The following DLG2 variants were observed in gnomAD, a reference collection of about 807,000 sequenced individuals.
DLG2 encodes the protein discs large MAGUK scaffold protein 2.
Under a neutral mutation model 132.5 loss-of-function variants are expected in DLG2, and 45 were observed. The observed-to-expected ratio is 0.34, with a 90% confidence interval of 0.27 to 0.44. DLG2 has a LOEUF of 0.44. DLG2 is among the 20% of genes least tolerant of loss of function. The probability of loss-of-function intolerance (pLI) is 1.00; values close to 1 mark genes in which losing one functional copy is unlikely to be tolerated. For synonymous variants in DLG2, 424 were observed against 419.6 expected, an observed-to-expected ratio of 1.01 and a Z score of -0.13; for missense variants, 1,045 against 1,196.9, an observed-to-expected ratio of 0.87 and a Z score of 1.87.
At chr11:85,034,328 G>A (rs1035664204) in intron 6 of DLG2, among the ~76,000 whole-genome samples, 6 of 151,976 alleles carry the variant, frequency 3.9e-5, no homozygotes, top group African/African-American at 9.7e-5. Flanking sequence ...CGCCTGCCTC[G>A]GCCTCCAAAG....
intron 6 of DLG2, among the ~76,000 whole-genome samples, chr11:84,616,953 T>C (rs1014985481): frequency 6.6e-6 from 1 of 151,770 alleles, no homozygotes; most frequent in African/African-American, 2.4e-5. Context: ...TCAGATATCA[T>C]CATCCAGTTC....
At chr11:84,490,224 G>C (rs372241774) in intron 7 of DLG2, among the ~76,000 whole-genome samples, 2 of 152,040 alleles carry the variant, frequency 1.3e-5, no homozygotes, top group Admixed American at 6.6e-5. Context: ...ACTGTTGTGA[G>C]GATTAAGTAA....
intron 21 of DLG2, among the ~76,000 whole-genome samples, chr11:83,495,881 T>A (rs906150783): frequency 6.6e-6 from 1 of 152,136 alleles, no homozygotes; most frequent in Non-Finnish European, 1.5e-5. Context: ...GTACAATTTC[T>A]AGAAGAAAAC....
intron 5 of DLG2, among the ~76,000 whole-genome samples, chr11:85,148,406 C>A (rs570684958): frequency 1.3e-5 from 2 of 152,166 alleles, no homozygotes; most frequent in Admixed American, 6.6e-5. Context: ...CACAGCCTCA[C>A]CAGCATCTAT....
intron 6 of DLG2, among the ~76,000 whole-genome samples, chr11:84,689,920 C>T (rs2057822008): frequency 1.3e-5 from 2 of 151,726 alleles, no homozygotes; most frequent in Non-Finnish European, 2.9e-5. Context: ...AATTAATAGT[C>T]AAAAAATATT....
chr11:85,188,549 A>G (rs1038206842), intron 4 of DLG2, among the ~76,000 whole-genome samples: 1 of 152,190 alleles, frequency 6.6e-6, no homozygotes, highest in Non-Finnish European at 1.5e-5. Flanking sequence ...AATAGACCTA[A>G]CAATGACTTT....
intron 20 of DLG2, among the ~76,000 whole-genome samples, chr11:83,535,148 A>G (rs1303852424): frequency 6.6e-6 from 1 of 152,226 alleles, no homozygotes; most frequent in Non-Finnish European, 1.5e-5. Context: ...ATTTTAATCC[A>G]AGGGCAAATG....
intron 10 of DLG2, among the ~76,000 whole-genome samples, chr11:84,075,339 T>C (rs2096814623): frequency 6.6e-6 from 1 of 152,170 alleles, no homozygotes; most frequent in African/African-American, 2.4e-5. Context: ...CCACCTTTCT[T>C]AGAGTAGGAG....
At chr11:83,528,168 T>C (rs2095653831) in intron 21 of DLG2, among the ~76,000 whole-genome samples, 1 of 152,194 alleles carries the variant, frequency 6.6e-6, no homozygotes, top group African/African-American at 2.4e-5. Context: ...TCTAGGCTAC[T>C]GACACAATAG....
At chr11:84,868,627 T>C (rs2084994183) in intron 6 of DLG2, among the ~76,000 whole-genome samples, 2 of 151,456 alleles carry the variant, frequency 1.3e-5, no homozygotes, top group Admixed American at 1.3e-4. Flanking sequence ...GTAGATGTTG[T>C]AAACATCTGA....
intron 16 of DLG2, among the ~76,000 whole-genome samples, chr11:83,846,786 T>A (rs1248467098): frequency 1.3e-5 from 2 of 152,094 alleles, no homozygotes; most frequent in East Asian, 3.8e-4. Flanking sequence ...TACTTTCTTA[T>A]CCACATATCA....
At chr11:84,390,658 T>C (rs1272717446) in intron 7 of DLG2, among the ~76,000 whole-genome samples, 1 of 152,164 alleles carries the variant, frequency 6.6e-6, no homozygotes. Context: ...TAGAGTCTGG[T>C]GATCACCTGG....
chr11:85,507,670 T>G (rs920780660), intron 3 of DLG2, among the ~76,000 whole-genome samples: 1 of 152,214 alleles, frequency 6.6e-6, no homozygotes, highest in Non-Finnish European at 1.5e-5. Flanking sequence ...TTGGTGAATC[T>G]GACAATTATG....
At chr11:84,243,550 T>C (rs1567044420) in intron 8 of DLG2, among the ~76,000 whole-genome samples, 1 of 152,226 alleles carries the variant, frequency 6.6e-6, no homozygotes, top group Non-Finnish European at 1.5e-5. Flanking sequence ...GCAGTGTTTC[T>C]CAAACTTAAA....
At chr11:84,459,106 G>A (rs1292760458) in intron 7 of DLG2, among the ~76,000 whole-genome samples, 1 of 150,358 alleles carries the variant, frequency 6.7e-6, no homozygotes, top group Non-Finnish European at 1.5e-5. Context: ...AATATGACAT[G>A]GATCTAACAA....
intron 3 of DLG2, among the ~76,000 whole-genome samples, chr11:85,362,444 A>AT (rs1249854329): frequency 1.3e-5 from 2 of 151,928 alleles, no homozygotes; most frequent in Non-Finnish European, 2.9e-5. Flanking sequence ...AATGCTACTG[A>AT]TTTTTTTATG....
intron 18 of DLG2, among the ~76,000 whole-genome samples, chr11:83,727,457 G>A (rs2090220407): frequency 2.0e-5 from 3 of 152,170 alleles, no homozygotes; most frequent in Admixed American, 2.0e-4. Flanking sequence ...GTGGATTCAG[G>A]TGCAACAGGT....
intron 21 of DLG2, among the ~76,000 whole-genome samples, chr11:83,521,844 G>T (rs2095487932): frequency 1.3e-5 from 2 of 151,942 alleles, no homozygotes; most frequent in African/African-American, 2.4e-5. Context: ...TCCTTCCCTA[G>T]GTGTCTCCCT....
intron 7 of DLG2, among the ~76,000 whole-genome samples, chr11:84,423,626 C>T (rs2098957644): frequency 6.6e-6 from 1 of 152,086 alleles, no homozygotes; most frequent in Non-Finnish European, 1.5e-5. Flanking sequence ...CCATGTTCAC[C>T]ATCACATCCC....
Sources: gnomAD v4.1 joint callset for allele counts (sites outside exome capture counted in the v4.1 genomes callset) on GRCh38, gnomAD v4.1.1 for gene constraint, MANE v1.5 for transcripts, NCBI Gene and HGNC (gene_info 2026-07-23, HGNC 2026-07-21) for gene names.